APP: variants seen among roughly 807,000 people sequenced by gnomAD.
APP encodes amyloid-beta precursor protein.
Under a neutral mutation model 101.4 loss-of-function variants are expected in APP, and 31 were observed. The observed-to-expected ratio is 0.31, with a 90% CI of 0.23 to 0.41. APP has a LOEUF of 0.41. APP is among the 10% of genes least tolerant of loss of function. The pLI, the probability that APP is intolerant of heterozygous loss-of-function variation, is 1.00. For synonymous variants in APP, 366 were observed against 364.4 expected, an observed-to-expected ratio of 1.00 and a Z score of -0.05; for missense variants, 839 against 1,003.7, an observed-to-expected ratio of 0.84 and a Z score of 2.22.
chr21:26,065,564 G>T (rs1197479804), intron 3 of APP, among the ~76,000 whole-genome samples: 3 of 152,108 alleles, frequency 2.0e-5, no homozygotes, highest in African/African-American at 7.2e-5. Context: ...ACTGGTCAGA[G>T]AATTCATTCC....
At chr21:26,122,675 GC>G (rs2062599719) in intron 1 of APP, among the ~76,000 whole-genome samples, 2 of 151,642 alleles carry the variant, frequency 1.3e-5, no homozygotes, top group African/African-American at 2.4e-5. Flanking sequence ...ACTGGTCCTT[GC>G]CATGAGTAAA....
At chr21:26,109,805 A>C (rs2062270223) in intron 2 of APP, among the ~76,000 whole-genome samples, 1 of 152,220 alleles carries the variant, frequency 6.6e-6, no homozygotes, top group Non-Finnish European at 1.5e-5. Flanking sequence ...CTTAGATGCA[A>C]ACTATGACAC....
At chr21:26,160,345 G>T (rs191266489) in intron 1 of APP, among the ~76,000 whole-genome samples, 1 of 152,128 alleles carries the variant, frequency 6.6e-6, no homozygotes, top group Admixed American at 6.5e-5. Context: ...AACAACCATA[G>T]AATTTTTATA....
intron 8 of APP, among the ~76,000 whole-genome samples, chr21:25,988,723 A>AAAAAAAAAAAAG (rs2042739501): frequency 1.4e-5 from 2 of 146,802 alleles, no homozygotes; most frequent in African/African-American, 2.6e-5. Context: ...AAAAAAAAAA[A>AAAAAAAAAAAAG]GGAGACAAAG....
At chr21:25,975,270 A>C in intron 10 of APP, 42 bp from the exon 11 acceptor site, 4 of 1,613,006 alleles carry the variant, frequency 2.5e-6, no homozygotes, top group Non-Finnish European at 3.4e-6. Flanking sequence ...CTGAATAAGT[A>C]GGATGAAGCA....
intron 3 of APP, among the ~76,000 whole-genome samples, chr21:26,071,234 G>A (rs909925970): frequency 3.3e-5 from 5 of 152,016 alleles, no homozygotes; most frequent in African/African-American, 4.8e-5. Context: ...AGCGAGCCCC[G>A]CCTTCCTTTC....
chr21:26,117,480 C>A (rs2062460413), intron 1 of APP, among the ~76,000 whole-genome samples: 1 of 152,094 alleles, frequency 6.6e-6, no homozygotes, highest in Non-Finnish European at 1.5e-5. Context: ...TAACAGAGAA[C>A]TGAAATTAAA....
At chr21:25,963,011 A>G (rs2041646498) in intron 11 of APP, among the ~76,000 whole-genome samples, 1 of 152,020 alleles carries the variant, frequency 6.6e-6, no homozygotes, top group Non-Finnish European at 1.5e-5. Flanking sequence ...GAAGGGTTTC[A>G]CTATGTTGGA....
chr21:25,997,251 G>A (rs1027255606), intron 8 of APP, 109 bp downstream of exon 8: 1 of 1,047,270 alleles, frequency 9.5e-7, no homozygotes, highest in Admixed American at 1.8e-5. Flanking sequence ...ACTAAGACAG[G>A]TGTTCAAGAA....
At chr21:25,959,937 T>G (rs1166033977) in intron 11 of APP, among the ~76,000 whole-genome samples, 1 of 152,202 alleles carries the variant, frequency 6.6e-6, no homozygotes, top group Non-Finnish European at 1.5e-5. Context: ...TATTCCTAAC[T>G]TATCCTGAAA....
chr21:26,054,932 G>T (rs2830028), intron 3 of APP, among the ~76,000 whole-genome samples: 48,485 of 151,792 alleles, frequency 0.32, 8,815 homozygotes, highest in African/African-American at 0.49. Flanking sequence ...CTCATAAAAG[G>T]GTTTAAACTT....
intron 11 of APP, among the ~76,000 whole-genome samples, chr21:25,972,862 A>C (rs2042085529): frequency 6.6e-6 from 1 of 152,174 alleles, no homozygotes; most frequent in African/African-American, 2.4e-5. Context: ...AAAGAAAAAC[A>C]TCAACAATGT....
At chr21:25,992,037 T>G (rs1199784177) in intron 8 of APP, among the ~76,000 whole-genome samples, 1 of 152,222 alleles carries the variant, frequency 6.6e-6, no homozygotes, top group African/African-American at 2.4e-5. Flanking sequence ...AACACCTTTG[T>G]TCTCTCACAG....
intron 9 of APP, among the ~76,000 whole-genome samples, chr21:25,978,989 G>A (rs2042325308): frequency 6.6e-6 from 1 of 152,044 alleles, no homozygotes; most frequent in Non-Finnish European, 1.5e-5. Context: ...AGTTGGGTCA[G>A]CTTTCAATTT....
At chr21:26,038,329 T>C (rs568919864) in intron 5 of APP, among the ~76,000 whole-genome samples, 15 of 152,140 alleles carry the variant, frequency 9.9e-5, no homozygotes, top group Non-Finnish European at 2.2e-4. Context: ...ACAATAATTT[T>C]AAAATAACTA....
intron 5 of APP, among the ~76,000 whole-genome samples, chr21:26,039,613 C>A (rs1414420943): frequency 6.6e-6 from 1 of 152,198 alleles, no homozygotes; most frequent in Non-Finnish European, 1.5e-5. Flanking sequence ...GTGTGGCCTA[C>A]TATATGCTCA....
At chr21:26,103,355 TCC>T (rs1359176853) in intron 2 of APP, among the ~76,000 whole-genome samples, 1 of 152,156 alleles carries the variant, frequency 6.6e-6, no homozygotes, top group African/African-American at 2.4e-5. Flanking sequence ...ATGCCTGTAA[TCC>T]CAGCACTTTG....
chr21:26,093,555 T>TA (rs1197106567), intron 2 of APP, among the ~76,000 whole-genome samples: 4 of 152,194 alleles, frequency 2.6e-5, no homozygotes, highest in African/African-American at 4.8e-5. Context: ...CCTATGGTAA[T>TA]AGTTGGTGCA....
At chr21:26,080,702 A>C (rs142772281) in intron 3 of APP, among the ~76,000 whole-genome samples, 1,783 of 151,686 alleles carry the variant, frequency 0.012, 13 homozygotes, top group Non-Finnish European at 0.019. Context: ...CTCAGGAGGC[A>C]GAGGTTGCAG....
Sources: allele counts gnomAD v4.1 joint callset (sites outside exome capture counted in the v4.1 genomes callset), GRCh38; gene constraint gnomAD v4.1.1; transcripts MANE v1.5; gene names NCBI Gene and HGNC (gene_info 2026-07-23, HGNC 2026-07-21).